Variants in KCNJ8 observed in about 807,000 individuals in gnomAD.
The protein encoded by KCNJ8 is potassium inwardly rectifying channel subfamily J member 8, also known as ATP-sensitive inward rectifier potassium channel 8.
A neutral mutation model predicts 28.2 loss-of-function variants in KCNJ8; 13 were observed. That is an observed-to-expected ratio of 0.46 (90% CI 0.30 to 0.73). KCNJ8 has a LOEUF of 0.73. Ranked by LOEUF, KCNJ8 falls within the 30% of genes least tolerant of loss-of-function variation. The pLI is 0.07. For missense variants in KCNJ8, 284 were observed against 542.6 expected, an observed-to-expected ratio of 0.52 and a Z score of 4.73; for synonymous variants, 188 against 195.9, an observed-to-expected ratio of 0.96 and a Z score of 0.34.
At chr12:21,768,599 A>G (rs547009316) in intron 2 of KCNJ8, among the ~76,000 whole-genome samples, 57 of 152,370 alleles carry the variant, frequency 3.7e-4, no homozygotes, top group Non-Finnish European at 7.2e-4. Context: ...AAGCCACGAT[A>G]GGCCAAAGTT....
At position 21,773,203 on chromosome 12, in the gene KCNJ8, T is replaced by A. The variant is rs777903740; in HGVS notation, c.374+40A>T. ...AAAGGGCATTTTGACATTTTTTCTC[T>A]ACTGTTTTCAACCCCTGCCTCATCC... On this transcript the variant is annotated intron_variant, in intron 2 of 2. Coordinates refer to ENST00000240662, the MANE Select transcript of KCNJ8 (RefSeq NM_004982.4). The surrounding 1 kb of genome is among the most constrained non-coding windows in gnomAD (Gnocchi z 4.6). 1 of 1,606,170 alleles carries A rather than the reference T, an allele frequency of 6.2e-7. No homozygotes were observed. Among genetic ancestry groups the A allele is most frequent in the Non-Finnish European group, 8.5e-7 (1 of 1,177,032 alleles).
At chr12:21,774,033 G>A (rs1940829162) in intron 1 of KCNJ8, among the ~76,000 whole-genome samples, 1 of 152,140 alleles carries the variant, frequency 6.6e-6, no homozygotes, top group Admixed American at 6.5e-5. Context: ...AGCACGTGGC[G>A]TCAGTCATGA....
Position 21,765,853 on chromosome 12 carries a change from T to C in KCNJ8, c.1145A>G (p.Lys382Arg), listed in dbSNP as rs752063865. 21 of 1,613,460 alleles carry C rather than the reference T, an allele frequency of 1.3e-5. No individual in the cohort carries two copies. Among genetic ancestry groups the C allele is most frequent in the Non-Finnish European group, 1.8e-5 (21 of 1,179,478 alleles). ...ATTGTTTCTTCTCATGGAGTTGCGC[T>C]TCCTCAGAGAATTTTGATGAGACAG... ...SELSHQNSLR[K>R]RNSMRRNNSM... Residue 382 changes from lysine to arginine, a missense_variant, in exon 3 of 3, where the codon AAG (lysine) becomes AGG (arginine). Lys to Arg is a conservative substitution (Grantham distance 26). Coordinates refer to ENST00000240662, the MANE Select transcript of KCNJ8 (RefSeq NM_004982.4).
At chr12:21,768,200 T>A (rs564317692) in intron 2 of KCNJ8, among the ~76,000 whole-genome samples, 4 of 152,262 alleles carry the variant, frequency 2.6e-5, no homozygotes, top group Admixed American at 2.6e-4. Context: ...CCCCCACTGA[T>A]GTGACAGGAG....
chr12:21,773,238 C>G lies in KCNJ8; in HGVS notation c.374+5G>C. 1 of 1,613,054 alleles carries G rather than the reference C, an allele frequency of 6.2e-7. No homozygotes were observed. The highest frequency in any genetic ancestry group is 8.5e-7 in the Non-Finnish European group (1 of 1,180,006). On this transcript the variant is annotated splice_donor_5th_base_variant and intron_variant, in intron 2 of 2. Coordinates refer to ENST00000240662, the MANE Select transcript of KCNJ8 (RefSeq NM_004982.4). The surrounding 1 kb of genome is among the most constrained non-coding windows in gnomAD (Gnocchi z 4.6). Reference sequence around the variant, plus strand: ...AACCCCTGCCTCATCCCACTACATTCTTACCTGACATTAGTCACACACACA... The same window carrying G: ...AACCCCTGCCTCATCCCACTACATTGTTACCTGACATTAGTCACACACACA...
rs1345580368 is a variant in KCNJ8, at chr12:21,768,108, A to G, written c.375-1485T>C. Among the ~76,000 whole-genome samples, 9 of 152,270 alleles carry G rather than the reference A, an allele frequency of 5.9e-5. No homozygotes were observed. In the East Asian group the frequency reaches 1.4e-3, roughly 23 times the overall value. ...GTTCCACCTCAGATCATCAGGAATTAGATTCTTACAAGGAGCCCGCAGCCT... is the reference window on the plus strand; with the variant it reads ...GTTCCACCTCAGATCATCAGGAATTGGATTCTTACAAGGAGCCCGCAGCCT... On this transcript the variant is annotated intron_variant, in intron 2 of 2. Coordinates refer to ENST00000240662, the MANE Select transcript of KCNJ8 (RefSeq NM_004982.4).
chr12:21,766,167 C>T lies in KCNJ8; in HGVS notation c.831G>A (p.Leu277=), dbSNP rs1382251895. The change falls in exon 3 of 3, where the codon CTG becomes CTA. Residue 277 remains leucine, a synonymous_variant. Transcript: ENST00000240662. This position sits in a 1 kb window ranked among gnomAD's most constrained non-coding sequence, Gnocchi z 6.5. ...CCAGGTCAGTTGCTGAGATGTCATA[C>T]AGGGGACTGCGCTTGTCAATCACGT... is the stretch of plus-strand genomic sequence containing the variant. ...ICHVIDKRSP[L]YDISATDLAN... The T allele has an allele frequency of 1.9e-6, 3 of 1,614,126 alleles. No individual in the cohort carries two copies. Among genetic ancestry groups the T allele is most frequent in the African/African-American group, 1.3e-5 (1 of 75,048 alleles).
In KCNJ8 at chr12:21,766,672, T is replaced by A; in HGVS notation, c.375-49A>T. On this transcript the variant is annotated intron_variant, in intron 2 of 2. Coordinates refer to ENST00000240662, the MANE Select transcript of KCNJ8 (RefSeq NM_004982.4). This position sits in a 1 kb window ranked among gnomAD's most constrained non-coding sequence, Gnocchi z 6.5. Reference sequence around the variant, plus strand: ...GAACACCATCAGGTCACATTTTGAATAATGAAATATGCCAAGCTGAGCTTT... The same window carrying A: ...GAACACCATCAGGTCACATTTTGAAAAATGAAATATGCCAAGCTGAGCTTT... 7.1e-7 allele frequency: 1 copy of A among 1,416,134 alleles called. No homozygotes were observed. The highest frequency in any genetic ancestry group is 9.8e-7 in the Non-Finnish European group (1 of 1,018,244). 87.7% of individuals were successfully genotyped at this position (1,416,134 alleles called of 1,614,324 possible).
Position 21,768,111 on chromosome 12 carries a change from T to TGCGGGC in KCNJ8, c.375-1489_375-1488insGCCCGC, listed in dbSNP as rs1323845050. Among the ~76,000 whole-genome samples, 7 of 152,258 alleles carry TGCGGGC rather than the reference T, an allele frequency of 4.6e-5. No individual in the cohort carries two copies. The East Asian group carries it at 1.4e-3, about 29-fold the overall frequency. On this transcript the variant is annotated intron_variant, in intron 2 of 2. Transcript: ENST00000240662. Reference sequence around the variant, plus strand: ...CCACCTCAGATCATCAGGAATTAGATTCTTACAAGGAGCCCGCAGCCTAGA... The same window carrying TGCGGGC: ...CCACCTCAGATCATCAGGAATTAGATGCGGGCTCTTACAAGGAGCCCGCAGCCTAGA...
Position 21,766,711 on chromosome 12 carries a change from C to G in KCNJ8, c.375-88G>C. 1 of 1,103,680 alleles carries G rather than the reference C, an allele frequency of 9.1e-7. No homozygotes were observed. The allele number at this position is 1,103,680 out of a possible 1,614,324, so 68.4% of individuals were successfully genotyped here. A position where few individuals can be genotyped will look rare whatever the true frequency, so the allele number is the denominator to read the frequency against. On this transcript the variant is annotated intron_variant, in intron 2 of 2. Coordinates refer to ENST00000240662, the MANE Select transcript of KCNJ8 (RefSeq NM_004982.4). This position sits in a 1 kb window ranked among gnomAD's most constrained non-coding sequence, Gnocchi z 6.5. ...AAGCTGAGCTTTTCATTTTCTTCCA[C>G]CAAAGACTATTAAATGCTTGCAGAA...
At chr12:21,767,538 G>C (rs572600640) in intron 2 of KCNJ8, among the ~76,000 whole-genome samples, 1 of 152,054 alleles carries the variant, frequency 6.6e-6, no homozygotes, top group South Asian at 2.1e-4. Flanking sequence ...AATGCCTCAT[G>C]ATCTGAGGTG....
At chr12:21,771,394 G>A (rs1940751860) in intron 2 of KCNJ8, among the ~76,000 whole-genome samples, 1 of 152,154 alleles carries the variant, frequency 6.6e-6, no homozygotes, top group Non-Finnish European at 1.5e-5. Context: ...TACAGAAAGA[G>A]GTAGGCTGGA....
In KCNJ8 at chr12:21,765,595, A is replaced by T. The variant is rs748514584; in HGVS notation, c.*128T>A. 6 of 834,354 alleles carry T rather than the reference A, an allele frequency of 7.2e-6. No individual in the cohort carries two copies. Among genetic ancestry groups the T allele is most frequent in the Non-Finnish European group, 1.2e-5 (6 of 484,198 alleles). The allele number at this position is 834,354 out of a possible 1,614,324, so 51.7% of individuals were successfully genotyped here. A position where few individuals can be genotyped will look rare whatever the true frequency, so the allele number is the denominator to read the frequency against. ...CTACAGAAAGTGCTGTTGCTTGAAT[A>T]TGAATATCATTTAGTGTAATAAAAT... On this transcript the variant is annotated 3_prime_UTR_variant, in exon 3 of 3. Coordinates refer to ENST00000240662, the MANE Select transcript of KCNJ8 (RefSeq NM_004982.4).
chr12:21,773,231 C>T lies in KCNJ8; in HGVS notation c.374+12G>A. 1 of 1,612,770 alleles carries T rather than the reference C, an allele frequency of 6.2e-7. No individual in the cohort carries two copies. Among genetic ancestry groups the T allele is most frequent in the Non-Finnish European group, 8.5e-7 (1 of 1,179,990 alleles). On this transcript the variant is annotated intron_variant, in intron 2 of 2. Transcript: ENST00000240662. This position sits in a 1 kb window ranked among gnomAD's most constrained non-coding sequence, Gnocchi z 4.6. The stretch of plus-strand genomic sequence containing the variant: ...TGTTTTCAACCCCTGCCTCATCCCA[C>T]TACATTCTTACCTGACATTAGTCAC...
rs1156468777 is a variant in KCNJ8 at position 21,773,935 on chromosome 12, TAAAC to T, written c.-70-253_-70-250del. ...GAGTACATATGGACATAGCCTTAGT[TAAAC>T]AAAACCAGGAGCCTTCCGGTAAACA... On this transcript the variant is annotated intron_variant, in intron 1 of 2. Coordinates refer to ENST00000240662, the MANE Select transcript of KCNJ8 (RefSeq NM_004982.4). The surrounding 1 kb of genome is among the most constrained non-coding windows in gnomAD (Gnocchi z 4.6). 6.6e-6 allele frequency among the ~76,000 whole-genome samples: 1 copy of T among 152,048 alleles called. No individual in the cohort carries two copies. The highest frequency in any genetic ancestry group is 1.5e-5 in the Non-Finnish European group (1 of 68,048).
At chr12:21,772,180 G>A (rs540706898) in intron 2 of KCNJ8, among the ~76,000 whole-genome samples, 1 of 152,134 alleles carries the variant, frequency 6.6e-6, no homozygotes, top group Non-Finnish European at 1.5e-5. Context: ...AGCTTAATAA[G>A]GTTTCAGGGT....
In KCNJ8 at chr12:21,773,952, C is replaced by T. The variant is rs1385716581; in HGVS notation, c.-70-266G>A. ...GCCTTAGTTAAACAAAACCAGGAGC[C>T]TTCCGGTAAACAGCAGGCTCAAAGA... On this transcript the variant is annotated intron_variant, in intron 1 of 2. Coordinates refer to ENST00000240662, the MANE Select transcript of KCNJ8 (RefSeq NM_004982.4). The surrounding 1 kb of genome is among the most constrained non-coding windows in gnomAD (Gnocchi z 4.6). 6.6e-6 allele frequency among the ~76,000 whole-genome samples: 1 copy of T among 152,180 alleles called. No homozygotes were observed.
In KCNJ8 at chr12:21,769,797, C is replaced by T. The variant is rs530616441; in HGVS notation, c.375-3174G>A. ...AGAAATAGCAAGAGAATTAGAATTACAAGGGCATTCTGAAGATGTGACTGA... is the reference window on the plus strand; with the variant it reads ...AGAAATAGCAAGAGAATTAGAATTATAAGGGCATTCTGAAGATGTGACTGA... On this transcript the variant is annotated intron_variant, in intron 2 of 2. Transcript: ENST00000240662. Among the ~76,000 whole-genome samples the T allele has an allele frequency of 4.6e-5, 7 of 152,268 alleles. No individual in the cohort carries two copies. The East Asian group carries it at 1.2e-3, about 25-fold the overall frequency.
intron 2 of KCNJ8, among the ~76,000 whole-genome samples, chr12:21,772,917 C>T (rs1396541631): frequency 6.6e-6 from 1 of 152,130 alleles, no homozygotes; most frequent in Non-Finnish European, 1.5e-5. Context: ...CTTTTTCATA[C>T]TGAACTCAAT....
Sources: allele counts gnomAD v4.1 joint callset (sites outside exome capture counted in the v4.1 genomes callset), GRCh38; gene constraint gnomAD v4.1.1; non-coding constraint Gnocchi (gnomAD v3.1); transcripts MANE v1.5; gene names NCBI Gene and HGNC (gene_info 2026-07-23, HGNC 2026-07-21).